The following LZTR1 variants were observed in gnomAD, a reference collection of about 807,000 sequenced individuals.
LZTR1 encodes leucine zipper like post translational regulator 1, also known as leucine-zipper-like transcriptional regulator 1.
In LZTR1, 260 loss-of-function variants were observed where a neutral mutation model predicts 105.7. The ratio of observed to expected loss-of-function variants is 2.46; its 90% CI spans 2.22 to 2.72. LZTR1 has a LOEUF of 2.72. Among genes scored for constraint, LZTR1 ranks in the 30% most tolerant of loss-of-function variants. The probability of loss-of-function intolerance (pLI) is 0.00; values close to 1 mark genes in which losing one functional copy is unlikely to be tolerated. For synonymous variants in LZTR1, 490 were observed against 476.4 expected, an observed-to-expected ratio of 1.03 and a Z score of -0.37; for missense variants, 1,214 against 1,166.9, an observed-to-expected ratio of 1.04 and a Z score of -0.59.
In LZTR1 at chr22:20,995,420, G is replaced by A. The variant is rs775612342; in HGVS notation, c.1943-326G>A. The A allele has an allele frequency of 2.1e-5, 13 of 622,626 alleles. No homozygotes were observed. Among genetic ancestry groups the A allele is most frequent in the East Asian group, 3.5e-5 (1 of 28,306 alleles). The allele number at this position is 622,626 out of a possible 1,614,324, so 38.6% of individuals were successfully genotyped here. A position where few individuals can be genotyped will look rare whatever the true frequency, so the allele number is the denominator to read the frequency against. ...GGGCTTGTGCTGACCCCGGTTGCTG[G>A]CTCTTGGTGATGTCTGCAGGCACCA... On this transcript the variant is annotated intron_variant, in intron 16 of 20. Coordinates refer to ENST00000646124, the MANE Select transcript of LZTR1 (RefSeq NM_006767.4).
At position 20,982,323 on chromosome 22, in the gene LZTR1, G is replaced by A. The variant is rs751568090; in HGVS notation, c.-49G>A. ...TGGTTTCTCCAGCCGGCCCGGGGCGGTGGCCGCAAGTTGGGCTTACAGCGC... is the reference window on the plus strand; with the variant it reads ...TGGTTTCTCCAGCCGGCCCGGGGCGATGGCCGCAAGTTGGGCTTACAGCGC... On this transcript the variant is annotated 5_prime_UTR_variant, in exon 1 of 21. It adds an upstream start codon to the 5' untranslated region. Coordinates refer to ENST00000646124, the MANE Select transcript of LZTR1 (RefSeq NM_006767.4). The A allele has an allele frequency of 1.7e-5, 24 of 1,431,012 alleles. No homozygotes were observed. The highest frequency in any genetic ancestry group is 2.9e-5 in the African/African-American group (2 of 70,150). 88.6% of individuals were successfully genotyped at this position (1,431,012 alleles called of 1,614,324 possible). A position where few individuals can be genotyped will look rare whatever the true frequency, so the allele number is the denominator to read the frequency against.
At chr22:20,991,394 G>C (rs919854564) in intron 8 of LZTR1, 4 of 558,468 alleles carry the variant, frequency 7.2e-6, no homozygotes, top group African/African-American at 3.8e-5. Context: ...ATGGGGAGAG[G>C]GGGGAGCTCT....
chr22:20,996,718 T>C lies in LZTR1; in HGVS notation c.2242T>C (p.Tyr748His). The change falls in exon 19 of 21, where the codon TAC becomes CAC. Residue 748 changes from tyrosine (Y) to histidine (H), a missense_variant. Physicochemically the swap from Tyr to His is moderately conservative, Grantham distance 83 (BLOSUM62 2). Transcript: ENST00000646124. ...DSLYLFAAPY[Y>H]YGFYNNRLQA... is the part of the protein sequence containing the mutation. ...CAGCTACTTGTTTGCGGCCCCCTACTACTACGGCTTCTACAACAACCGGCT... is the reference window on the plus strand; with the variant it reads ...CAGCTACTTGTTTGCGGCCCCCTACCACTACGGCTTCTACAACAACCGGCT... 1.2e-6 allele frequency: 2 copies of C among 1,613,570 alleles called. No homozygotes were observed. The highest frequency in any genetic ancestry group is 1.7e-6 in the Non-Finnish European group (2 of 1,179,952).
rs139791094 is a variant in LZTR1, at chr22:20,982,524, G to T, written c.153G>T (p.Val51=). ...TCAACTTCGGGCCCTTCGAAACAGT[G>T]CATCGCTGGCGGCGCCTCCCGCCCT... is the stretch of plus-strand genomic sequence containing the variant. ...LTLNFGPFET[V]HRWRRLPPCD... is the part of the protein sequence containing the mutation. The change falls in exon 1 of 21, where the codon GTG becomes GTT. Residue 51 remains valine, a synonymous_variant. Coordinates refer to ENST00000646124, the MANE Select transcript of LZTR1 (RefSeq NM_006767.4). The T allele has an allele frequency of 5.6e-6, 9 of 1,613,040 alleles. No homozygotes were observed. The highest frequency in any genetic ancestry group is 5.9e-6 in the Non-Finnish European group (7 of 1,179,754).
At chr22:20,990,343 G>A (rs371915870) in intron 7 of LZTR1, 43 bp from the exon 8 acceptor site, 46 of 1,611,616 alleles carry the variant, frequency 2.9e-5, no homozygotes, top group East Asian at 4.5e-5. Context: ...AAATGTGAGC[G>A]GGCCCTGTGA....
chr22:20,997,125 G>C (rs1256102032), intron 20 of LZTR1, 107 bp from the exon 21 acceptor site: 1 of 1,121,248 alleles, frequency 8.9e-7, no homozygotes, highest in Non-Finnish European at 1.3e-6. Flanking sequence ...CTTCATCCTT[G>C]GGACCAGCCT....
chr22:20,988,792 G>C lies in LZTR1; in HGVS notation c.513G>C (p.Leu171Phe). ...CCCCTCTTCCCTCACACTCCAGGTT[G>C]CCAGTCGCTAGGTCAGCCCATGGGG... ...QWTEWKIEGR[L>F]PVARSAHGAT... The change falls in exon 6 of 21, where the codon TTG becomes TTC. Residue 171 changes from leucine to phenylalanine, a missense_variant. Transcript: ENST00000646124. 6.2e-7 allele frequency: 1 copy of C among 1,613,684 alleles called. No individual in the cohort carries two copies. Among genetic ancestry groups the C allele is most frequent in the Non-Finnish European group, 8.5e-7 (1 of 1,179,660 alleles).
chr22:20,996,659 C>G, intron 18 of LZTR1, 37 bp from the exon 19 acceptor site: 2 of 1,584,832 alleles, frequency 1.3e-6, no homozygotes, highest in Non-Finnish European at 1.7e-6. Flanking sequence ...TGCGGGCGGA[C>G]CAGCTTCCTT....
At position 20,992,197 on chromosome 22, in the gene LZTR1, G is replaced by A. The variant is rs756136740; in HGVS notation, c.994-17G>A. On this transcript the variant is annotated splice_polypyrimidine_tract_variant and intron_variant, in intron 9 of 20. Coordinates refer to ENST00000646124, the MANE Select transcript of LZTR1 (RefSeq NM_006767.4). ...CCTTGCCAACTGGTCTCATGCCCAT[G>A]TGTCTCCCCTCTTCAGGTTGGTGGG... 12 of 1,610,034 alleles carry A rather than the reference G, an allele frequency of 7.5e-6. No homozygotes were observed. Among genetic ancestry groups the A allele is most frequent in the African/African-American group, 4.0e-5 (3 of 74,840 alleles).
intron 2 of LZTR1, among the ~76,000 whole-genome samples, chr22:20,983,860 G>A (rs966392710): frequency 6.6e-6 from 1 of 152,192 alleles, no homozygotes; most frequent in Non-Finnish European, 1.5e-5. Flanking sequence ...AGTAGCCGGT[G>A]GGGCCCATTT....
chr22:20,994,938 GCGCCTCTCCTCTCCA>G lies in LZTR1; in HGVS notation c.1856_1870del (p.Arg619_Pro623del). 1.2e-6 allele frequency: 2 copies of G among 1,613,388 alleles called. No homozygotes were observed. The highest frequency in any genetic ancestry group is 2.7e-5 in the African/African-American group (2 of 75,052). ...AGGTGATCATGATGAAGGAGTTCGA[GCGCCTCTCCTCTCCA>G]CTGATAGTGGAGATTGTGCGGCGGA... On this transcript the variant is annotated inframe_deletion, in exon 16 of 21. Coordinates refer to ENST00000646124, the MANE Select transcript of LZTR1 (RefSeq NM_006767.4).
chr22:20,987,499 C>A lies in LZTR1; in HGVS notation c.321-5C>A. 6.2e-7 allele frequency: 1 copy of A among 1,608,422 alleles called. No homozygotes were observed. Among genetic ancestry groups the A allele is most frequent in the Non-Finnish European group, 8.5e-7 (1 of 1,175,074 alleles). The stretch of plus-strand genomic sequence containing the variant: ...TGACTCTCACCACCCCTGTGCCCAC[C>A]CCAGGGCCTTTACCACTGGGACCCC... On this transcript the variant is annotated splice_region_variant and splice_polypyrimidine_tract_variant and intron_variant, in intron 3 of 20. Transcript: ENST00000646124.
chr22:20,993,958 T>A lies in LZTR1; in HGVS notation c.1388T>A (p.Val463Asp), dbSNP rs1193106828. The A allele has an allele frequency of 1.2e-6, 2 of 1,612,714 alleles. No individual in the cohort carries two copies. The highest frequency in any genetic ancestry group is 3.3e-5 in the Admixed American group (2 of 59,970). ...TGCGTGCAGGGCCACGTAGCCATTG[T>A]CACAGCGCGGAGCCGCTGGCTTCGC... Reference protein sequence around the residue: ...EECVQGHVAIVTARSRWLRRK... With the variant: ...EECVQGHVAIDTARSRWLRRK... The change falls in exon 13 of 21, where the codon GTC (valine) becomes GAC (aspartate). Residue 463 changes from valine (V) to aspartate (D), a missense_variant. By Grantham distance (152) the Val-to-Asp change is radical. Coordinates refer to ENST00000646124, the MANE Select transcript of LZTR1 (RefSeq NM_006767.4).
At position 20,997,635 on chromosome 22, in the gene LZTR1, A is replaced by G; in HGVS notation, c.*287A>G. 1 of 314,778 alleles carries G rather than the reference A, an allele frequency of 3.2e-6. No homozygotes were observed. Among genetic ancestry groups the G allele is most frequent in the Admixed American group, 4.3e-5 (1 of 23,144 alleles). The allele number at this position is 314,778 out of a possible 1,614,324, so 19.5% of individuals were successfully genotyped here. On this transcript the variant is annotated 3_prime_UTR_variant, in exon 21 of 21. Transcript: ENST00000646124. Reference sequence around the variant, plus strand: ...GAGGCCACGGCTCAGTGATGGGCTCACCACCCAGAAGTGGGGAGAGACTTT... The same window carrying G: ...GAGGCCACGGCTCAGTGATGGGCTCGCCACCCAGAAGTGGGGAGAGACTTT...
chr22:20,991,860 C>T, intron 9 of LZTR1, 31 bp downstream of exon 9: 1 of 1,523,064 alleles, frequency 6.6e-7, no homozygotes, highest in Non-Finnish European at 8.9e-7. Context: ...CCTGACCTGC[C>T]AGCTGGACAC....
intron 2 of LZTR1, among the ~76,000 whole-genome samples, chr22:20,983,402 TTTTC>T (rs1355808902): frequency 6.6e-6 from 1 of 152,230 alleles, no homozygotes; most frequent in Non-Finnish European, 1.5e-5. Context: ...TGCCAGGCAC[TTTTC>T]TTTCCCTGTG....
rs1253225013 is a variant in LZTR1 at position 20,993,684 on chromosome 22, C to T, written c.1283C>T (p.Thr428Met). ...RFQFSCYPKC[T>M]LHEDYGRLWE... is the part of the protein sequence containing the mutation. Reference sequence around the variant, plus strand: ...CAGTTCTCCTGTTACCCTAAATGCACGCTGCACGAGGACTACGGGCGGCTG... The same window carrying T: ...CAGTTCTCCTGTTACCCTAAATGCATGCTGCACGAGGACTACGGGCGGCTG... The change falls in exon 12 of 21, where the codon ACG becomes ATG. Residue 428 changes from threonine to methionine, a missense_variant. Physicochemically the swap from Thr to Met is moderately conservative, Grantham distance 81. Coordinates refer to ENST00000646124, the MANE Select transcript of LZTR1 (RefSeq NM_006767.4). The T allele has an allele frequency of 1.1e-5, 18 of 1,613,398 alleles. No homozygotes were observed. The highest frequency in any genetic ancestry group is 2.2e-5 in the East Asian group (1 of 44,886).
intron 10 of LZTR1, 153 bp from the exon 11 acceptor site, chr22:20,992,641 G>C (rs1261692165): frequency 1.6e-6 from 1 of 637,454 alleles, no homozygotes; most frequent in Non-Finnish European, 2.7e-6. Context: ...GGTCCCACCT[G>C]TGTCTGTACC....
At chr22:20,985,753 T>C in intron 2 of LZTR1, 88 bp from the exon 3 acceptor site, 1 of 1,282,438 alleles carries the variant, frequency 7.8e-7, no homozygotes. Flanking sequence ...AGCCCCCTAC[T>C]CTACCCTGGC....
Sources: gnomAD v4.1 joint callset for allele counts (sites outside exome capture counted in the v4.1 genomes callset) on GRCh38, gnomAD v4.1.1 for gene constraint, MANE v1.5 for transcripts, NCBI Gene and HGNC (gene_info 2026-07-23, HGNC 2026-07-21) for gene names.